The following EFCAB3 variants were observed in gnomAD, a reference collection of about 807,000 sequenced individuals.
EFCAB3 encodes the protein EF-hand calcium binding domain 3, also known as EF-hand calcium-binding domain-containing protein 3.
In EFCAB3, 36 loss-of-function variants were observed where a neutral mutation model predicts 42.2. The observed-to-expected ratio is 0.85, with a 90% CI of 0.65 to 1.13. The LOEUF (loss-of-function observed/expected upper bound fraction) is 1.13. EFCAB3 is among the 50% of genes most tolerant of loss of function. EFCAB3 has a pLI of 0.00. For missense variants in EFCAB3, 418 were observed against 505.1 expected, an observed-to-expected ratio of 0.83 and a Z score of 1.65; for synonymous variants, 170 against 172.8, an observed-to-expected ratio of 0.98 and a Z score of 0.13.
At chr17:62,386,120 T>C (rs994434922) in intron 2 of EFCAB3, among the ~76,000 whole-genome samples, 26 of 152,098 alleles carry the variant, frequency 1.7e-4, no homozygotes, top group Non-Finnish European at 2.5e-4. Flanking sequence ...CAAAACTAAA[T>C]GCATTTTAAA....
At position 62,407,099 on chromosome 17, in the gene EFCAB3, G is replaced by C. The variant is rs1346346128; in HGVS notation, c.754G>C (p.Val252Leu). 1.9e-6 allele frequency: 3 copies of C among 1,613,224 alleles called. No homozygotes were observed. The highest frequency in any genetic ancestry group is 2.5e-6 in the Non-Finnish European group (3 of 1,179,678). Reference sequence around the variant, plus strand: ...TCCATTGTTCCCTAATGTGGATGGGGTGGTGATGGGAAAGCCATTCAAAGA... The same window carrying C: ...TCCATTGTTCCCTAATGTGGATGGGCTGGTGATGGGAAAGCCATTCAAAGA... Reference protein sequence around the residue: ...IFPLFPNVDGVVMGKPFKDMQ... With the variant: ...IFPLFPNVDGLVMGKPFKDMQ... The change falls in exon 8 of 10, where the codon GTG becomes CTG. Residue 252 changes from valine to leucine, a missense_variant. Transcript: ENST00000305286.
In EFCAB3 at chr17:62,406,721, A is replaced by G. The variant is rs2144106775; in HGVS notation, c.682+48A>G. The stretch of plus-strand genomic sequence containing the variant: ...CTACTGTTGTAAAGGATTTATTTGT[A>G]TATGACTGGTCAGAAAGAAGTACTA... On this transcript the variant is annotated intron_variant, in intron 7 of 9. Coordinates refer to ENST00000305286, the MANE Select transcript of EFCAB3 (RefSeq NM_173503.4). 3.1e-6 allele frequency: 5 copies of G among 1,594,092 alleles called. No homozygotes were observed. The South Asian group carries it at 3.4e-5, about 11-fold the overall frequency.
chr17:62,414,818 T>C (rs1190459354), intron 9 of EFCAB3, among the ~76,000 whole-genome samples: 1 of 152,076 alleles, frequency 6.6e-6, no homozygotes, highest in Non-Finnish European at 1.5e-5. Flanking sequence ...AAAAGGTTTT[T>C]CAGGGCTGGG....
intron 2 of EFCAB3, among the ~76,000 whole-genome samples, chr17:62,384,449 C>T (rs1205523648): frequency 2.6e-5 from 4 of 151,886 alleles, no homozygotes; most frequent in Non-Finnish European, 4.4e-5. Context: ...CAGCCTCTAC[C>T]AAAAAAGATA....
chr17:62,413,909 A>T, intron 9 of EFCAB3, 55 bp downstream of exon 9: 1 of 1,553,706 alleles, frequency 6.4e-7, no homozygotes, highest in Non-Finnish European at 8.7e-7. Context: ...AATATTGTCC[A>T]CTTCAATACT....
At chr17:62,370,589 G>C (rs1028508957) in intron 1 of EFCAB3, among the ~76,000 whole-genome samples, 1 of 151,732 alleles carries the variant, frequency 6.6e-6, no homozygotes, top group Non-Finnish European at 1.5e-5. Context: ...CCAGGAGGGG[G>C]AGGTTGCAGT....
rs1469145563 is a variant in EFCAB3 at position 62,398,511 on chromosome 17, A to C, written c.488+3323A>C. On this transcript the variant is annotated intron_variant, in intron 6 of 9. Coordinates refer to ENST00000305286, the MANE Select transcript of EFCAB3 (RefSeq NM_173503.4). ...AATTTTTATATGCAAAAAAAAAAAA[A>C]AACAAAAAATTAGCCACCATAGTGG... 5.2e-4 allele frequency among the ~76,000 whole-genome samples: 78 copies of C among 150,436 alleles called. 1 individual carries two copies. The East Asian group carries it at 0.012, about 24-fold the overall frequency.
chr17:62,414,083 T>C (rs1341487070), intron 9 of EFCAB3, among the ~76,000 whole-genome samples: 5 of 152,276 alleles, frequency 3.3e-5, no homozygotes, highest in African/African-American at 9.6e-5. Context: ...TATGCAGCTA[T>C]ACTCACTGTT....
chr17:62,373,920 T>C, intron 2 of EFCAB3: 2 of 907,774 alleles, frequency 2.2e-6, no homozygotes, highest in Non-Finnish European at 3.3e-6. Flanking sequence ...GCTATATGTG[T>C]ATTTTTATCT....
upstream of EFCAB3, among the ~76,000 whole-genome samples, chr17:62,379,729 T>C (rs1719636062): frequency 6.6e-6 from 1 of 152,288 alleles, no homozygotes; most frequent in East Asian, 1.9e-4. Context: ...TTAGCCATGA[T>C]AGACTAAAGA....
intron 6 of EFCAB3, among the ~76,000 whole-genome samples, chr17:62,396,252 T>C (rs534391766): frequency 2.0e-5 from 3 of 152,264 alleles, no homozygotes; most frequent in Non-Finnish European, 4.4e-5. Flanking sequence ...ATACACATAT[T>C]ATCTTGAAAA....
intron 6 of EFCAB3, among the ~76,000 whole-genome samples, chr17:62,397,072 C>T (rs924591453): frequency 3.9e-5 from 6 of 152,058 alleles, no homozygotes; most frequent in Non-Finnish European, 8.8e-5. Flanking sequence ...TTCCAGAACT[C>T]GGGCTCTTAT....
chr17:62,411,897 GAA>G (rs2070501127), intron 8 of EFCAB3, among the ~76,000 whole-genome samples: 1 of 4,104 alleles, frequency 2.4e-4, no homozygotes, highest in African/African-American at 3.5e-4. Flanking sequence ...AGGAAGGAAG[GAA>G]GGAAGGGAGG....
intron 6 of EFCAB3, among the ~76,000 whole-genome samples, chr17:62,399,623 A>G (rs1435402011): frequency 6.6e-6 from 1 of 151,994 alleles, no homozygotes; most frequent in Non-Finnish European, 1.5e-5. Context: ...AGGCCTTTGC[A>G]CTTGCTTTTC....
intron 1 of EFCAB3, among the ~76,000 whole-genome samples, chr17:62,381,275 T>G: frequency 6.6e-6 from 1 of 151,922 alleles, no homozygotes; most frequent in East Asian, 1.9e-4. Flanking sequence ...TGCGATAGTT[T>G]GCTGAGAATG....
chr17:62,413,829 C>T lies in EFCAB3; in HGVS notation c.965C>T (p.Ala322Val). The change falls in exon 9 of 10, where the codon GCC (alanine) becomes GTC (valine). Residue 322 changes from alanine (A) to valine (V), a missense_variant. Ala to Val is a moderately conservative substitution (Grantham distance 64). Coordinates refer to ENST00000305286, the MANE Select transcript of EFCAB3 (RefSeq NM_173503.4). ...AAGAAAAAGCAGACTTGTACAGTGG[C>T]CGATGCAACTGCTATTAAACAACAT... ...MLKKKQTCTV[A>V]DATAIKQHVK... is the part of the protein sequence containing the mutation. The T allele has an allele frequency of 6.2e-7, 1 of 1,612,018 alleles. No homozygotes were observed. Among genetic ancestry groups the T allele is most frequent in the Non-Finnish European group, 8.5e-7 (1 of 1,179,218 alleles).
At chr17:62,381,426 A>G (rs941994272) in intron 1 of EFCAB3, among the ~76,000 whole-genome samples, 2 of 152,062 alleles carry the variant, frequency 1.3e-5, no homozygotes, top group African/African-American at 4.8e-5. Flanking sequence ...GGTTCAAATA[A>G]CAAGAGAGGG....
intron 8 of EFCAB3, among the ~76,000 whole-genome samples, chr17:62,412,311 G>T (rs1336333393): frequency 6.8e-6 from 1 of 146,102 alleles, no homozygotes; most frequent in Non-Finnish European, 1.5e-5. Context: ...GGGAGGCAAA[G>T]GTTGCAGTGA....
intron 1 of EFCAB3, among the ~76,000 whole-genome samples, chr17:62,371,487 G>A (rs577884365): frequency 6.6e-6 from 1 of 152,156 alleles, no homozygotes; most frequent in African/African-American, 2.4e-5. Flanking sequence ...GAACCCAGGA[G>A]GGGGAGGTTG....
Sources: gnomAD v4.1 joint callset for allele counts (sites outside exome capture counted in the v4.1 genomes callset) on GRCh38, gnomAD v4.1.1 for gene constraint, MANE v1.5 for transcripts, NCBI Gene and HGNC (gene_info 2026-07-23, HGNC 2026-07-21) for gene names.